Variants in TUT4 observed in about 807,000 individuals in gnomAD.
TUT4 encodes terminal uridylyltransferase 4.
TUT4 carries 36 observed loss-of-function variants against 192.2 expected under a neutral mutation model. That is an observed-to-expected ratio of 0.19 (90% CI 0.14 to 0.25). TUT4 has a LOEUF of 0.25. Among genes scored for constraint, TUT4 ranks in the 10% least tolerant of loss-of-function variants. The pLI, the probability that TUT4 is intolerant of heterozygous loss-of-function variation, is 1.00. For synonymous variants in TUT4, 618 were observed against 666.0 expected (o/e 0.93, Z 1.11); for missense variants, 1,493 against 1,957.2 (o/e 0.76, Z 4.47).
chr1:52,491,417 T>C (rs1671108806), intron 7 of TUT4, among the ~76,000 whole-genome samples: 1 of 152,146 alleles, frequency 6.6e-6, no homozygotes, highest in Non-Finnish European at 1.5e-5. Flanking sequence ...TGGCCGGGCA[T>C]GGTGGCTCAC....
At chr1:52,467,501 C>T (rs1664547491) in intron 15 of TUT4, among the ~76,000 whole-genome samples, 1 of 152,136 alleles carries the variant, frequency 6.6e-6, no homozygotes, top group Non-Finnish European at 1.5e-5. Context: ...CCAAATCTGA[C>T]CACTTCTCAT....
In TUT4 at chr1:52,516,020, A is replaced by G. The variant is rs2149366700; in HGVS notation, c.753T>C (p.Asn251=). ...TTTCTAAGTAGTCCATCTCTGAAGAATTTTCTTTATTAGATTCATCATTCT... is the reference window on the plus strand; with the variant it reads ...TTTCTAAGTAGTCCATCTCTGAAGAGTTTTCTTTATTAGATTCATCATTCT... ...KMKNDESNKE[N]SSEMDYLENA... Residue 251 remains asparagine (N), a synonymous_variant, in exon 3 of 30, where the codon AAT becomes AAC. Transcript: ENST00000257177. The G allele has an allele frequency of 6.2e-7, 1 of 1,613,406 alleles. No individual in the cohort carries two copies. Among genetic ancestry groups the G allele is most frequent in the African/African-American group, 1.3e-5 (1 of 74,944 alleles).
chr1:52,515,120 T>C (rs1224386508), intron 3 of TUT4: 1 of 152,182 alleles, frequency 6.6e-6, no homozygotes, highest in Admixed American at 6.5e-5. Flanking sequence ...AGTGTTTTTA[T>C]TGAGGCCAGG....
At chr1:52,550,696 T>C (rs1003334690) in intron 1 of TUT4, among the ~76,000 whole-genome samples, 6 of 152,022 alleles carry the variant, frequency 3.9e-5, no homozygotes, top group African/African-American at 1.5e-4. Flanking sequence ...AGTCTCACTA[T>C]GCTGCTCAGA....
chr1:52,530,258 CAAAAAAAA>C (rs11365992), intron 1 of TUT4, among the ~76,000 whole-genome samples: 20 of 93,298 alleles, frequency 2.1e-4, no homozygotes, highest in Admixed American at 6.5e-4. Flanking sequence ...GACTCCATCT[CAAAAAAAA>C]AAAAAAAAAA....
chr1:52,475,648 G>A (rs1464972152), intron 12 of TUT4, 113 bp from the exon 13 acceptor site: 1 of 1,038,008 alleles, frequency 9.6e-7, no homozygotes, highest in African/African-American at 1.6e-5. Flanking sequence ...TTTTCCCAAG[G>A]GGTTTTTCTA....
intron 9 of TUT4, among the ~76,000 whole-genome samples, chr1:52,482,944 G>A (rs1237029597): frequency 6.6e-6 from 1 of 152,018 alleles, no homozygotes; most frequent in East Asian, 1.9e-4. Context: ...AAAAATGAGT[G>A]ATATATTTTA....
chr1:52,424,486 C>T (rs1208131803), intron 29 of TUT4: 1 of 154,972 alleles, frequency 6.5e-6, no homozygotes, highest in Non-Finnish European at 1.4e-5. Flanking sequence ...TCCTGAGTGC[C>T]TGTTTTAACT....
chr1:52,494,006 T>C (rs1003376465), intron 6 of TUT4, among the ~76,000 whole-genome samples: 4 of 151,514 alleles, frequency 2.6e-5, no homozygotes, highest in Non-Finnish European at 4.4e-5. Flanking sequence ...TCTTGCTATA[T>C]TGCCCAGGCT....
intron 14 of TUT4, among the ~76,000 whole-genome samples, chr1:52,470,678 A>T (rs986809344): frequency 6.6e-6 from 1 of 152,256 alleles, no homozygotes; most frequent in Non-Finnish European, 1.5e-5. Context: ...AATTCCACTT[A>T]TACAGAACTC....
In TUT4 at chr1:52,475,180, G is replaced by A. The variant is rs140552770; in HGVS notation, c.2379C>T (p.His793=). 1.2e-5 allele frequency: 19 copies of A among 1,613,954 alleles called. No homozygotes were observed. The highest frequency in any genetic ancestry group is 9.3e-5 in the African/African-American group (7 of 74,882). The change falls in exon 13 of 30, where the codon CAC becomes CAT. Residue 793 remains histidine (H), a synonymous_variant. Transcript: ENST00000257177. ...LLVNELDFAD[H]GQDSSSLSTS... The stretch of plus-strand genomic sequence containing the variant: ...TAGAAAGAGATGAAGAGTCCTGTCC[G>A]TGGTCAGCAAAATCTAGTTCATTTA...
rs187611775 is a variant in TUT4 at position 52,550,248 on chromosome 1, G to T, written c.-94+2683C>A. 2.4e-3 allele frequency among the ~76,000 whole-genome samples: 371 copies of T among 152,200 alleles called. 2 individuals carry two copies. The highest frequency in any genetic ancestry group is 3.7e-3 in the Non-Finnish European group (250 of 68,018). ...CAGTAAACAACTCTAATTGCTCTAA[G>T]ATTAATAACAAAAAGTCTACATATC... On this transcript the variant is annotated intron_variant, in intron 1 of 29. Transcript: ENST00000257177.
intron 16 of TUT4, among the ~76,000 whole-genome samples, chr1:52,463,983 A>G (rs1408438895): frequency 6.6e-6 from 1 of 152,180 alleles, no homozygotes; most frequent in East Asian, 1.9e-4. Context: ...GATACAATGG[A>G]AAGAGCATGA....
intron 1 of TUT4, among the ~76,000 whole-genome samples, chr1:52,547,844 T>C (rs1215696712): frequency 3.9e-5 from 6 of 152,150 alleles, no homozygotes; most frequent in Non-Finnish European, 5.9e-5. Flanking sequence ...TGCCAAAGGC[T>C]TGGAGGAGGA....
At chr1:52,518,748 T>C (rs1265595450) in intron 2 of TUT4, among the ~76,000 whole-genome samples, 1 of 152,134 alleles carries the variant, frequency 6.6e-6, no homozygotes, top group Non-Finnish European at 1.5e-5. Flanking sequence ...CTATGAAATA[T>C]TTAGAATAGG....
intron 2 of TUT4, among the ~76,000 whole-genome samples, chr1:52,524,423 C>T (rs1254677383): frequency 6.6e-6 from 1 of 151,840 alleles, no homozygotes; most frequent in African/African-American, 2.4e-5. Context: ...CTCGGAGAGG[C>T]TGAGGCAGGA....
intron 24 of TUT4, among the ~76,000 whole-genome samples, chr1:52,439,589 C>T (rs948271745): frequency 1.3e-5 from 2 of 152,152 alleles, no homozygotes; most frequent in African/African-American, 4.8e-5. Context: ...GTATAAGAGA[C>T]ACGCCCAATA....
chr1:52,492,228 T>C (rs1671339152), intron 7 of TUT4, among the ~76,000 whole-genome samples: 1 of 152,144 alleles, frequency 6.6e-6, no homozygotes, highest in Non-Finnish European at 1.5e-5. Context: ...AACTCATTCC[T>C]AGAAAACTAT....
chr1:52,509,260 C>G (rs567622825), intron 4 of TUT4, among the ~76,000 whole-genome samples: 1 of 152,294 alleles, frequency 6.6e-6, no homozygotes, highest in African/African-American at 2.4e-5. Context: ...CTCATCAATT[C>G]TTAGAAAATC....
Sources: gnomAD v4.1 joint callset for allele counts (sites outside exome capture counted in the v4.1 genomes callset) on GRCh38, gnomAD v4.1.1 for gene constraint, MANE v1.5 for transcripts, NCBI Gene and HGNC (gene_info 2026-07-23, HGNC 2026-07-21) for gene names.